Variants in MECOM observed in about 807,000 individuals in gnomAD.
MECOM encodes the protein histone-lysine N-methyltransferase MECOM.
A neutral mutation model predicts 116.3 loss-of-function variants in MECOM; 13 were observed. That is an observed-to-expected ratio of 0.11 (90% CI 0.07 to 0.18). The LOEUF is 0.18. Ranked by LOEUF, MECOM falls within the 10% of genes least tolerant of loss-of-function variation. The pLI, the probability that MECOM is intolerant of heterozygous loss-of-function variation, is 1.00. For synonymous variants in MECOM, 528 were observed against 535.2 expected (o/e 0.99, Z 0.19); for missense variants, 1,299 against 1,509.0 (o/e 0.86, Z 2.31).
intron 2 of MECOM, among the ~76,000 whole-genome samples, chr3:169,273,545 C>T (rs761783267): frequency 5.9e-5 from 9 of 152,098 alleles, no homozygotes; most frequent in East Asian, 1.9e-4. Context: ...ATGTTTTCTG[C>T]GCATCCTGGT....
At chr3:169,106,855 A>G (rs1370480529) in intron 10 of MECOM, among the ~76,000 whole-genome samples, 1 of 152,040 alleles carries the variant, frequency 6.6e-6, no homozygotes, top group Non-Finnish European at 1.5e-5. Context: ...TCAGAAAACA[A>G]CCCCATCTAT....
chr3:169,153,470 G>T (rs1577196685), intron 2 of MECOM, among the ~76,000 whole-genome samples: 1 of 152,016 alleles, frequency 6.6e-6, no homozygotes. Context: ...TTTAACTTCG[G>T]ACTAAATTAG....
intron 1 of MECOM, among the ~76,000 whole-genome samples, chr3:169,604,767 C>A (rs1768287137): frequency 6.6e-6 from 1 of 152,184 alleles, no homozygotes; most frequent in African/African-American, 2.4e-5. Flanking sequence ...CTTCCATGAG[C>A]TGCCCTCTAG....
chr3:169,662,428 C>CT (rs1776408927), intron 1 of MECOM, among the ~76,000 whole-genome samples: 1 of 152,196 alleles, frequency 6.6e-6, no homozygotes, highest in Admixed American at 6.5e-5. Context: ...TCCTAGGCTG[C>CT]CGCCGCTGGC....
intron 1 of MECOM, among the ~76,000 whole-genome samples, chr3:169,603,541 T>C (rs1439340621): frequency 1.3e-5 from 2 of 152,228 alleles, no homozygotes; most frequent in African/African-American, 4.8e-5. Context: ...TCACCATTCA[T>C]GCACTAACTC....
intron 1 of MECOM, among the ~76,000 whole-genome samples, chr3:169,655,824 T>C (rs1775478030): frequency 2.0e-5 from 3 of 152,170 alleles, no homozygotes; most frequent in African/African-American, 7.2e-5. Flanking sequence ...ATTTAACTGA[T>C]AAATTATAAG....
At chr3:169,523,109 A>G (rs1007332786) in intron 1 of MECOM, among the ~76,000 whole-genome samples, 5 of 152,222 alleles carry the variant, frequency 3.3e-5, no homozygotes, top group African/African-American at 1.2e-4. Context: ...TTTTTATAGA[A>G]AATGAACAAA....
At chr3:169,558,550 A>G (rs1316959310) in intron 1 of MECOM, among the ~76,000 whole-genome samples, 2 of 152,338 alleles carry the variant, frequency 1.3e-5, no homozygotes, top group East Asian at 3.9e-4. Context: ...AATAATTGGC[A>G]CAAATCTCCT....
chr3:169,278,588 A>C (rs1438138075), intron 2 of MECOM, among the ~76,000 whole-genome samples: 1 of 152,232 alleles, frequency 6.6e-6, no homozygotes, highest in Non-Finnish European at 1.5e-5. Flanking sequence ...TTAGCTGGAA[A>C]GTTTTATCAG....
chr3:169,488,553 A>C (rs114201179), intron 1 of MECOM, among the ~76,000 whole-genome samples: 22,243 of 151,828 alleles, frequency 0.15, 1,876 homozygotes, highest in African/African-American at 0.22. Context: ...CTCAGAAAAT[A>C]AAAAAGTAAT....
intron 1 of MECOM, among the ~76,000 whole-genome samples, chr3:169,647,659 AT>A (rs1774354994): frequency 6.6e-6 from 1 of 152,186 alleles, no homozygotes; most frequent in Non-Finnish European, 1.5e-5. Flanking sequence ...CCCTCTTAGC[AT>A]TTTTAATATT....
intron 2 of MECOM, among the ~76,000 whole-genome samples, chr3:169,317,927 T>G (rs1035282568): frequency 6.6e-6 from 1 of 152,038 alleles, no homozygotes; most frequent in East Asian, 1.9e-4. Context: ...AAAACAGATA[T>G]GTAGACCAAT....
chr3:169,283,410 A>T (rs1213134550), intron 2 of MECOM, among the ~76,000 whole-genome samples: 1 of 132,628 alleles, frequency 7.5e-6, no homozygotes, highest in Non-Finnish European at 1.5e-5. Flanking sequence ...ACAAGACCCC[A>T]TCTCAAAAAA....
At chr3:169,415,383 G>A (rs529245955) in intron 1 of MECOM, among the ~76,000 whole-genome samples, 45 of 152,186 alleles carry the variant, frequency 3.0e-4, no homozygotes, top group African/African-American at 8.9e-4. Context: ...CCTGAAGGAA[G>A]CACTAAATAT....
At chr3:169,439,635 T>A (rs1743277318) in intron 1 of MECOM, among the ~76,000 whole-genome samples, 1 of 152,138 alleles carries the variant, frequency 6.6e-6, no homozygotes, top group Non-Finnish European at 1.5e-5. Flanking sequence ...TCTTGCACAT[T>A]GCTGATGTGT....
At chr3:169,247,968 A>G (rs930817571) in intron 2 of MECOM, among the ~76,000 whole-genome samples, 3 of 152,206 alleles carry the variant, frequency 2.0e-5, no homozygotes, top group Admixed American at 1.3e-4. Flanking sequence ...CAGTGAACCT[A>G]CATAGCTGCT....
rs145851161 is a variant in MECOM at position 169,116,369 on chromosome 3, G to A, written c.1503C>T (p.His501=). Residue 501 remains histidine (H), a synonymous_variant, in exon 8 of 17, where the codon CAC becomes CAT. Coordinates refer to ENST00000651503, the MANE Select transcript of MECOM (RefSeq NM_004991.4). ...AACTAGCAGGTATCAAAGGAGGCCT[G>A]TGGTACAAGCCGGAAGGAAACAGAC... The part of the protein sequence containing the change: ...FPGLFPSGLY[H]RPPLIPASSP... 13 of 1,614,106 alleles carry A rather than the reference G, an allele frequency of 8.1e-6. No individual in the cohort carries two copies. Among genetic ancestry groups the A allele is most frequent in the Non-Finnish European group, 1.1e-5 (13 of 1,180,046 alleles).
chr3:169,147,580 A>G (rs1740287950), intron 2 of MECOM: 1 of 985,414 alleles, frequency 1.0e-6, no homozygotes, highest in Admixed American at 6.1e-5. Flanking sequence ...ATAGGGACAG[A>G]CTGATTATGG....
chr3:169,472,580 G>GAGGAGAGGAAAGGAAAGGAAAGGAA (rs1749614160), intron 1 of MECOM, among the ~76,000 whole-genome samples: 1 of 59,082 alleles, frequency 1.7e-5, no homozygotes, highest in African/African-American at 9.2e-5. Flanking sequence ...GAGGAGAGGA[G>GAGGAGAGGAAAGGAAAGGAAAGGAA]AGGAAAGGAA....
Sources: allele counts gnomAD v4.1 joint callset (sites outside exome capture counted in the v4.1 genomes callset), GRCh38; gene constraint gnomAD v4.1.1; transcripts MANE v1.5; gene names NCBI Gene and HGNC (gene_info 2026-07-23, HGNC 2026-07-21).